UBE4B: variants seen among roughly 807,000 people sequenced by gnomAD.
UBE4B encodes ubiquitination factor E4B, also known as ubiquitin conjugation factor E4 B.
A neutral mutation model predicts 148.1 loss-of-function variants in UBE4B; 27 were observed. The ratio of observed to expected loss-of-function variants is 0.18; its 90% CI spans 0.13 to 0.25. UBE4B has a LOEUF of 0.25. Ranked by LOEUF, UBE4B falls within the 10% of genes least tolerant of loss-of-function variation. The pLI, the probability that UBE4B is intolerant of heterozygous loss-of-function variation, is 1.00. For missense variants in UBE4B, 1,170 were observed against 1,662.4 expected (o/e 0.70, Z 5.15); for synonymous variants, 596 against 619.3 (o/e 0.96, Z 0.56).
intron 25 of UBE4B, among the ~76,000 whole-genome samples, chr1:10,173,339 G>A (rs950965115): frequency 1.6e-4 from 24 of 151,886 alleles, no homozygotes; most frequent in South Asian, 6.2e-4. Flanking sequence ...AAAATTAGCC[G>A]GGCGTGGTGG....
rs1646287000 is a variant in UBE4B at position 10,168,356 on chromosome 1, C to A, written c.3333+86C>A. The A allele has an allele frequency of 1.3e-6, 2 of 1,510,860 alleles. No individual in the cohort carries two copies. The highest frequency in any genetic ancestry group is 1.8e-6 in the Non-Finnish European group (2 of 1,126,624). 93.6% of individuals were successfully genotyped at this position (1,510,860 alleles called of 1,614,324 possible). ...TATAACTTTAGCAGTTGTTGAAGTT[C>A]TGGAAATTTTAGGATCACAGTCATC... is the stretch of plus-strand genomic sequence containing the variant. On this transcript the variant is annotated intron_variant, in intron 24 of 27. Transcript: ENST00000343090. The surrounding 1 kb of genome is among the most constrained non-coding windows in gnomAD (Gnocchi z 4.9).
chr1:10,100,577 G>A (rs145266804), intron 3 of UBE4B, among the ~76,000 whole-genome samples: 1,567 of 151,992 alleles, frequency 0.01, 33 homozygotes, highest in Middle Eastern at 0.041. Flanking sequence ...TATTTGAGAC[G>A]GAGTTTCGCT....
At chr1:10,154,407 G>A (rs147418518) in intron 21 of UBE4B, among the ~76,000 whole-genome samples, 236 of 152,146 alleles carry the variant, frequency 1.6e-3, no homozygotes, top group Middle Eastern at 3.4e-3. Flanking sequence ...TGGATTTGGA[G>A]CTACGAGACA....
intron 9 of UBE4B, among the ~76,000 whole-genome samples, chr1:10,121,405 T>TTTTA (rs1048432809): frequency 6.6e-6 from 1 of 152,008 alleles, no homozygotes; most frequent in Non-Finnish European, 1.5e-5. Flanking sequence ...TCTTTTTTAT[T>TTTTA]TTTATTTATT....
chr1:10,053,637 G>A (rs1644099741), intron 1 of UBE4B, among the ~76,000 whole-genome samples: 1 of 151,888 alleles, frequency 6.6e-6, no homozygotes, highest in Non-Finnish European at 1.5e-5. Context: ...GCATGCATTA[G>A]CTATTTTTCT....
At chr1:10,142,451 A>G (rs1002226901) in intron 17 of UBE4B, among the ~76,000 whole-genome samples, 6 of 152,194 alleles carry the variant, frequency 3.9e-5, no homozygotes, top group African/African-American at 1.4e-4. Context: ...TGGGCAGATC[A>G]CATGAGGTCA....
intron 1 of UBE4B, among the ~76,000 whole-genome samples, chr1:10,047,654 G>A (rs1020124801): frequency 4.0e-5 from 6 of 151,818 alleles, no homozygotes; most frequent in Admixed American, 3.9e-4. Context: ...CACCACACCT[G>A]GCTAATTTTT....
chr1:10,116,594 C>T (rs895093207), intron 7 of UBE4B, among the ~76,000 whole-genome samples: 1 of 152,136 alleles, frequency 6.6e-6, no homozygotes, highest in Non-Finnish European at 1.5e-5. Flanking sequence ...GAGTTAAACA[C>T]CAGATTTGTT....
At chr1:10,148,855 G>A (rs1251011982) in intron 19 of UBE4B, among the ~76,000 whole-genome samples, 3 of 151,710 alleles carry the variant, frequency 2.0e-5, no homozygotes, top group Admixed American at 6.6e-5. Flanking sequence ...CATGATAATC[G>A]ATTGAACTGG....
At chr1:10,049,621 C>T (rs540095678) in intron 1 of UBE4B, among the ~76,000 whole-genome samples, 1 of 151,926 alleles carries the variant, frequency 6.6e-6, no homozygotes, top group Non-Finnish European at 1.5e-5. Context: ...ACAATGTTGG[C>T]TGGGCATAGT....
chr1:10,160,717 T>TG (rs1163812533), intron 22 of UBE4B, among the ~76,000 whole-genome samples: 1 of 151,822 alleles, frequency 6.6e-6, no homozygotes, highest in Non-Finnish European at 1.5e-5. Context: ...GGGGCTGAGG[T>TG]GGGAGGAACG....
intron 19 of UBE4B, among the ~76,000 whole-genome samples, chr1:10,147,970 A>G (rs1043569671): frequency 6.6e-6 from 1 of 152,088 alleles, no homozygotes; most frequent in Non-Finnish European, 1.5e-5. Flanking sequence ...GCTCACGCCT[A>G]TAATCCCAGC....
intron 25 of UBE4B, among the ~76,000 whole-genome samples, chr1:10,174,608 A>G (rs1479577454): frequency 6.6e-6 from 1 of 151,218 alleles, no homozygotes; most frequent in Non-Finnish European, 1.5e-5. Context: ...AGGCTGAGGC[A>G]GGAGAATCGC....
chr1:10,169,290 A>G (rs1571025765), intron 24 of UBE4B, among the ~76,000 whole-genome samples: 2 of 152,174 alleles, frequency 1.3e-5, no homozygotes, highest in African/African-American at 4.8e-5. Context: ...TTTACTTTAC[A>G]ATGGAATATG....
At chr1:10,105,072 TC>T (rs1209367750) in intron 5 of UBE4B, among the ~76,000 whole-genome samples, 1 of 152,224 alleles carries the variant, frequency 6.6e-6, no homozygotes, top group African/African-American at 2.4e-5. Flanking sequence ...TTTATTACTA[TC>T]TATAAAACAT....
chr1:10,153,490 TAAAA>T (rs1045427991), intron 21 of UBE4B, among the ~76,000 whole-genome samples: 6 of 49,194 alleles, frequency 1.2e-4, no homozygotes, highest in Non-Finnish European at 2.2e-4. Context: ...ACCCTGTTTC[TAAAA>T]AAAAAAAAAA....
chr1:10,146,939 G>A (rs761214629), intron 18 of UBE4B, 24 bp from the exon 19 acceptor site: 125 of 1,611,986 alleles, frequency 7.8e-5, no homozygotes, highest in Admixed American at 1.0e-4. Context: ...TGATCTTTGG[G>A]TGGGGACATC....
chr1:10,150,515 A>C (rs6700518), intron 20 of UBE4B, among the ~76,000 whole-genome samples: 43 of 152,314 alleles, frequency 2.8e-4, no homozygotes, highest in African/African-American at 9.1e-4. Flanking sequence ...TTAATATAAC[A>C]TGCTACAGCC....
chr1:10,071,008 C>T (rs374913045), intron 1 of UBE4B, among the ~76,000 whole-genome samples: 1 of 152,044 alleles, frequency 6.6e-6, no homozygotes, highest in East Asian at 1.9e-4. Context: ...CTCCACCTCC[C>T]GAGTTCAAGT....
Sources: gnomAD v4.1 joint callset for allele counts (sites outside exome capture counted in the v4.1 genomes callset) on GRCh38, gnomAD v4.1.1 for gene constraint, Gnocchi (gnomAD v3.1) non-coding constraint, MANE v1.5 for transcripts, NCBI Gene and HGNC (gene_info 2026-07-23, HGNC 2026-07-21) for gene names.